The following EDA variants were observed in gnomAD, a reference collection of about 807,000 sequenced individuals.
The protein encoded by EDA is ectodysplasin A, also known as ectodysplasin-A.
EDA carries 2 observed loss-of-function variants against 23.6 expected under a neutral mutation model. That is an observed-to-expected ratio of 0.08 (90% CI 0.03 to 0.27). The LOEUF is 0.27. Ranked by LOEUF, EDA falls within the 10% of genes least tolerant of loss-of-function variation. EDA has a pLI of 1.00. For synonymous variants in EDA, 131 were observed against 132.0 expected (o/e 0.99, Z 0.05); for missense variants, 229 against 324.2 (o/e 0.71, Z 2.26).
chrX:69,675,688 A>G (rs1934058079), intron 1 of EDA, among the ~76,000 whole-genome samples: 2 of 111,615 alleles, frequency 1.8e-5, no homozygotes, highest in Admixed American at 1.9e-4. Context: ...AGCAGTGAAC[A>G]TAACAGACAA....
chrX:69,890,917 T>C (rs1202979), intron 1 of EDA, among the ~76,000 whole-genome samples: 62,489 of 110,488 alleles, frequency 0.57, 14,951 homozygotes, highest in Middle Eastern at 0.78. Flanking sequence ...AAAGAGCTTC[T>C]GCACAGCAAA....
chrX:69,629,538 C>T (rs1932496768), intron 1 of EDA, among the ~76,000 whole-genome samples: 2 of 111,746 alleles, frequency 1.8e-5, no homozygotes, highest in African/African-American at 6.5e-5. Flanking sequence ...AAACATTCCC[C>T]CTAATATCGG....
chrX:69,867,240 G>T (rs2017500765), intron 1 of EDA, among the ~76,000 whole-genome samples: 1 of 111,866 alleles, frequency 8.9e-6, no homozygotes, highest in South Asian at 3.8e-4. Flanking sequence ...GGGCCCATTG[G>T]GTGATGACAG....
chrX:69,768,874 C>T (rs750969653), intron 1 of EDA, among the ~76,000 whole-genome samples: 8 of 111,589 alleles, frequency 7.2e-5, no homozygotes, highest in African/African-American at 1.3e-4. Flanking sequence ...TTATGATATA[C>T]GGTTTATTCA....
chrX:69,708,799 G>A (rs1000435478), intron 1 of EDA, among the ~76,000 whole-genome samples: 14 of 110,906 alleles, frequency 1.3e-4, no homozygotes, highest in African/African-American at 4.3e-4. Context: ...TCAGGTGGAA[G>A]CAAATATAGG....
At chrX:69,860,097 C>T (rs1283654130) in intron 1 of EDA, among the ~76,000 whole-genome samples, 4 of 110,485 alleles carry the variant, frequency 3.6e-5, no homozygotes, top group Admixed American at 2.9e-4. Flanking sequence ...TTCTCCATCC[C>T]TTTATTTTGA....
intron 1 of EDA, among the ~76,000 whole-genome samples, chrX:69,948,711 T>C (rs1359385780): frequency 2.7e-5 from 3 of 112,523 alleles, no homozygotes; most frequent in African/African-American, 9.7e-5. Context: ...ACAAAATTGT[T>C]TGTATGTTGT....
chrX:69,965,769 G>A (rs770480511), intron 2 of EDA, among the ~76,000 whole-genome samples: 1 of 112,573 alleles, frequency 8.9e-6, no homozygotes, highest in East Asian at 2.8e-4. Flanking sequence ...AAAATAGTCT[G>A]GACACGGTGG....
At chrX:69,819,898 CAAA>C (rs61374631) in intron 1 of EDA, among the ~76,000 whole-genome samples, 3 of 46,605 alleles carry the variant, frequency 6.4e-5, no homozygotes, top group Admixed American at 1.8e-4. Context: ...CATGTGGAAG[CAAA>C]AAAAAAAAAA....
chrX:69,868,709 G>A (rs1432036735), intron 1 of EDA, among the ~76,000 whole-genome samples: 1 of 112,454 alleles, frequency 8.9e-6, no homozygotes, highest in Non-Finnish European at 1.9e-5. Context: ...AGGTAGGATA[G>A]TAAAGTATAT....
chrX:70,023,061 G>A (rs955673769), intron 2 of EDA, 157 bp from the exon 3 acceptor site: 36 of 344,708 alleles, frequency 1.0e-4, no homozygotes, highest in African/African-American at 2.6e-5. Flanking sequence ...GAATGGGGAG[G>A]TTTGATAGTT....
In EDA at chrX:69,761,044, C is replaced by G. The variant is rs184674786; in HGVS notation, c.396+144340C>G. ...AAAGCTCAAATGAGTTGCGGGGGAA[C>G]TAGATGCAGGAACAAGTTAGAGACG... On this transcript the variant is annotated intron_variant, in intron 1 of 7. Transcript: ENST00000374552. Among the ~76,000 whole-genome samples the G allele has an allele frequency of 5.4e-5, 6 of 110,623 alleles. No homozygotes were observed. The East Asian group carries it at 1.7e-3, about 31-fold the overall frequency.
rs1182790135 is a variant in EDA, at chrX:70,039,103, G to C, written c.*3494G>C. 8.9e-6 allele frequency: 1 copy of C among 112,844 alleles called. No individual in the cohort carries two copies. The highest frequency in any genetic ancestry group is 2.8e-4 in the East Asian group (1 of 3,544). The allele number at this position is 112,844 out of a possible 1,213,427, so 9.3% of individuals were successfully genotyped here. On this transcript the variant is annotated 3_prime_UTR_variant, in exon 8 of 8. Transcript: ENST00000374552. ...CTAGCCTCTGGACTGGAAAGCACAA[G>C]ACTGGCCCAGTGCCAGCAAGTCCTT... is the stretch of plus-strand genomic sequence containing the variant.
intron 1 of EDA, among the ~76,000 whole-genome samples, chrX:69,884,399 G>A (rs995805480): frequency 1.8e-5 from 2 of 112,138 alleles, no homozygotes; most frequent in African/African-American, 6.5e-5. Flanking sequence ...TTAGATTGTG[G>A]TGATGGTTGC....
intron 1 of EDA, among the ~76,000 whole-genome samples, chrX:69,934,120 C>T (rs2147679770): frequency 8.9e-6 from 1 of 111,959 alleles, no homozygotes; most frequent in Non-Finnish European, 1.9e-5. Context: ...AGGCCTGCAC[C>T]TCAATAAGCC....
intron 1 of EDA, among the ~76,000 whole-genome samples, chrX:69,695,132 C>A (rs1356235985): frequency 9.0e-6 from 1 of 111,035 alleles, no homozygotes; most frequent in Non-Finnish European, 1.9e-5. Flanking sequence ...CCAGCCTGGG[C>A]AACATGGCAA....
intron 2 of EDA, among the ~76,000 whole-genome samples, chrX:69,958,168 G>A (rs1458626796): frequency 8.9e-6 from 1 of 111,872 alleles, no homozygotes; most frequent in African/African-American, 3.2e-5. Flanking sequence ...TGATATTTCA[G>A]CATCACTCTG....
chrX:69,856,010 T>G (rs779467972), intron 1 of EDA, among the ~76,000 whole-genome samples: 2 of 110,575 alleles, frequency 1.8e-5, no homozygotes, highest in African/African-American at 6.6e-5. Flanking sequence ...CAGTATACAC[T>G]GCACCTTATT....
At chrX:69,781,367 T>G (rs1054409459) in intron 1 of EDA, among the ~76,000 whole-genome samples, 2 of 111,984 alleles carry the variant, frequency 1.8e-5, no homozygotes, top group African/African-American at 6.5e-5. Context: ...CAGCAGTTTA[T>G]GATGGTTCTG....
Sources: allele counts gnomAD v4.1 joint callset (sites outside exome capture counted in the v4.1 genomes callset), GRCh38; gene constraint gnomAD v4.1.1; transcripts MANE v1.5; gene names NCBI Gene and HGNC (gene_info 2026-07-23, HGNC 2026-07-21).